Variants in ATIC observed in about 807,000 individuals in gnomAD.
The protein encoded by ATIC is bifunctional purine biosynthesis protein ATIC.
A neutral mutation model predicts 72.5 loss-of-function variants in ATIC; 64 were observed. That is an observed-to-expected ratio of 0.88 (90% CI 0.72 to 1.09). ATIC has a LOEUF of 1.09. Among genes scored for constraint, ATIC ranks in the 50% least tolerant of loss-of-function variants. The probability of loss-of-function intolerance (pLI) is 0.00; values close to 1 mark genes in which losing one functional copy is unlikely to be tolerated. For synonymous variants in ATIC, 281 were observed against 267.1 expected, an observed-to-expected ratio of 1.05 and a Z score of -0.51; for missense variants, 787 against 732.4, an observed-to-expected ratio of 1.07 and a Z score of -0.86.
intron 3 of ATIC, among the ~76,000 whole-genome samples, chr2:215,318,506 C>T (rs2052734074): frequency 6.6e-6 from 1 of 152,106 alleles, no homozygotes; most frequent in African/African-American, 2.4e-5. Context: ...GCTCAAGTTG[C>T]TGAAGATATT....
downstream of ATIC, among the ~76,000 whole-genome samples, chr2:215,351,754 GC>G (rs1214780552): frequency 6.6e-6 from 1 of 152,160 alleles, no homozygotes; most frequent in Non-Finnish European, 1.5e-5. Flanking sequence ...CTTAAGTGTG[GC>G]CTGTACACAG....
At chr2:215,340,647 T>C (rs2053009489) in intron 12 of ATIC, among the ~76,000 whole-genome samples, 1 of 152,146 alleles carries the variant, frequency 6.6e-6, no homozygotes, top group Admixed American at 6.6e-5. Flanking sequence ...CAGGAATTGT[T>C]GAGCTTCCTA....
chr2:215,336,615 G>T (rs562930516), intron 11 of ATIC, among the ~76,000 whole-genome samples: 1 of 152,226 alleles, frequency 6.6e-6, no homozygotes, highest in Admixed American at 6.5e-5. Flanking sequence ...GCAAATATTT[G>T]CATGTGCATT....
At chr2:215,337,256 A>C (rs2052966110) in intron 11 of ATIC, among the ~76,000 whole-genome samples, 1 of 152,206 alleles carries the variant, frequency 6.6e-6, no homozygotes, top group Non-Finnish European at 1.5e-5. Flanking sequence ...CTAATTCCTT[A>C]CAAGGAAAGT....
At chr2:215,319,932 T>C (rs1312463762) in intron 4 of ATIC, among the ~76,000 whole-genome samples, 1 of 152,200 alleles carries the variant, frequency 6.6e-6, no homozygotes, top group East Asian at 1.9e-4. Flanking sequence ...AGTTACAATC[T>C]AAATCTTAGT....
intron 2 of ATIC, among the ~76,000 whole-genome samples, chr2:215,313,175 G>C (rs2052673845): frequency 6.6e-6 from 1 of 152,218 alleles, no homozygotes; most frequent in Non-Finnish European, 1.5e-5. Context: ...AACCCGTGCT[G>C]TTCCTGATTT....
chr2:215,340,913 T>C (rs2053012099), intron 12 of ATIC, among the ~76,000 whole-genome samples: 1 of 152,208 alleles, frequency 6.6e-6, no homozygotes, highest in South Asian at 2.1e-4. Context: ...CTGGGATCTT[T>C]GTCTGTTAGC....
At chr2:215,358,242 A>G in the ATIC span, among the ~76,000 whole-genome samples, 4 of 152,196 alleles carry the variant, frequency 2.6e-5, no homozygotes, top group African/African-American at 9.6e-5. Context: ...CAAGTGTAGC[A>G]AGGCAATGTA....
chr2:215,324,010 C>T (rs952933211), intron 4 of ATIC, among the ~76,000 whole-genome samples: 7 of 152,126 alleles, frequency 4.6e-5, no homozygotes, highest in Non-Finnish European at 8.8e-5. Context: ...GATCCATCCT[C>T]CTGAGCCTCC....
the ATIC span, chr2:215,367,778 C>T: frequency 2.8e-5 from 39 of 1,374,688 alleles, no homozygotes; most frequent in African/African-American, 5.1e-4. Flanking sequence ...CCTGTGTCTT[C>T]CAAACATGCT....
intron 7 of ATIC, among the ~76,000 whole-genome samples, chr2:215,327,411 C>T (rs1372947653): frequency 6.6e-6 from 1 of 152,146 alleles, no homozygotes; most frequent in African/African-American, 2.4e-5. Flanking sequence ...TTGTAAGAAG[C>T]CGTTGCCTTG....
the ATIC span, chr2:215,365,442 A>G: frequency 6.5e-7 from 1 of 1,539,172 alleles, no homozygotes; most frequent in Non-Finnish European, 9.0e-7. Context: ...AATGAGAGTT[A>G]CAGCCTGATA....
chr2:215,324,892 C>T (rs998464183), intron 4 of ATIC, among the ~76,000 whole-genome samples: 1 of 152,070 alleles, frequency 6.6e-6, no homozygotes, highest in Non-Finnish European at 1.5e-5. Flanking sequence ...TATCTGTAAT[C>T]TTGTACTTTA....
rs2053057720 is a variant in ATIC, at chr2:215,344,966, G to A, written c.1320+95G>A. On this transcript the variant is annotated intron_variant, in intron 13 of 15. Transcript: ENST00000236959. ...CCTTAGATATTGGACAGCTTGAAAG[G>A]GAATATTTGCCAAATGTTTGTCTTT... 6.2e-6 allele frequency: 8 copies of A among 1,294,716 alleles called. No individual in the cohort carries two copies. In the South Asian group the frequency reaches 8.8e-5, roughly 14 times the overall value. The allele number at this position is 1,294,716 out of a possible 1,614,324, so 80.2% of individuals were successfully genotyped here.
At chr2:215,324,891 T>C (rs901128161) in intron 4 of ATIC, among the ~76,000 whole-genome samples, 2 of 152,180 alleles carry the variant, frequency 1.3e-5, no homozygotes, top group Non-Finnish European at 2.9e-5. Flanking sequence ...TTATCTGTAA[T>C]CTTGTACTTT....
chr2:215,357,244 C>A, the ATIC span, among the ~76,000 whole-genome samples: 1 of 152,114 alleles, frequency 6.6e-6, no homozygotes, highest in Non-Finnish European at 1.5e-5. Context: ...TTACAAAGTA[C>A]CAAGTTGCAA....
intron 3 of ATIC, 93 bp downstream of exon 3, chr2:215,318,326 C>G (rs1019744371): frequency 1.7e-6 from 2 of 1,209,516 alleles, no homozygotes; most frequent in East Asian, 4.7e-5. Context: ...GAAAAAGGCT[C>G]AAGAGAAATT....
chr2:215,354,460 A>G (rs368191356), downstream of ATIC, among the ~76,000 whole-genome samples: 9 of 152,180 alleles, frequency 5.9e-5, no homozygotes, highest in East Asian at 3.9e-4. Flanking sequence ...CTTTGTGCTA[A>G]TATTTCCTCT....
chr2:215,314,354 G>C (rs1231496165), intron 2 of ATIC, among the ~76,000 whole-genome samples: 3 of 152,126 alleles, frequency 2.0e-5, no homozygotes, highest in Non-Finnish European at 4.4e-5. Flanking sequence ...AGTTGCAGTG[G>C]TATTTTACAT....
Sources: gnomAD v4.1 joint callset for allele counts (sites outside exome capture counted in the v4.1 genomes callset) on GRCh38, gnomAD v4.1.1 for gene constraint, MANE v1.5 for transcripts, NCBI Gene and HGNC (gene_info 2026-07-23, HGNC 2026-07-21) for gene names.